C18orf54: variants seen among roughly 807,000 people sequenced by gnomAD.
C18orf54 encodes chromosome 18 open reading frame 54.
In C18orf54, 49 loss-of-function variants were observed where a neutral mutation model predicts 49.3. The ratio of observed to expected loss-of-function variants is 0.99; its 90% CI spans 0.79 to 1.26. C18orf54 has a LOEUF of 1.26. Ranked by LOEUF, C18orf54 falls within the 50% of genes most tolerant of loss-of-function variation. C18orf54 has a pLI of 0.00. For missense variants in C18orf54, 687 were observed against 620.6 expected, an observed-to-expected ratio of 1.11 and a Z score of -1.14; for synonymous variants, 211 against 216.6, an observed-to-expected ratio of 0.97 and a Z score of 0.23.
rs192475779 is a variant in C18orf54 at position 54,357,932 on chromosome 18, G to C, written c.-287G>C. On this transcript the variant is annotated 5_prime_UTR_variant, in exon 1 of 9. Transcript: ENST00000620105. ...CCATGTTGGGGCGGTTTGAAAGCGAGCGCGGGTGTCGAGCTCTGCTGTGAC... is the reference window on the plus strand; with the variant it reads ...CCATGTTGGGGCGGTTTGAAAGCGACCGCGGGTGTCGAGCTCTGCTGTGAC... 1.3e-5 allele frequency: 2 copies of C among 152,334 alleles called. No individual in the cohort carries two copies. Among genetic ancestry groups the C allele is most frequent in the Non-Finnish European group, 2.9e-5 (2 of 68,104 alleles). 9.4% of individuals were successfully genotyped at this position (152,334 alleles called of 1,614,324 possible). A position where few individuals can be genotyped will look rare whatever the true frequency, so the allele number is the denominator to read the frequency against.
At chr18:54,359,514 C>T (rs561191225) in intron 2 of C18orf54, among the ~76,000 whole-genome samples, 1 of 152,096 alleles carries the variant, frequency 6.6e-6, no homozygotes, top group Non-Finnish European at 1.5e-5. Flanking sequence ...AGAAAACTTT[C>T]GATGTTTTAA....
rs762592758 is a variant in C18orf54 at position 54,362,858 on chromosome 18, A to G, written c.1160A>G (p.Asp387Gly). The change falls in exon 5 of 9, where the codon GAC (aspartate) becomes GGC (glycine). Residue 387 changes from aspartate (D) to glycine (G), a missense_variant. Transcript: ENST00000620105. ...TTACCAAAGTCCATGAAAAAGGATG[A>G]CAGTCCTTGCTCATTAGATAAACTT... ...EELPKSMKKD[D>G]SPCSLDKLEA... is the part of the protein sequence containing the mutation. 4.3e-6 allele frequency: 7 copies of G among 1,612,446 alleles called. No individual in the cohort carries two copies. The Admixed American group carries it at 1.2e-4, about 27-fold the overall frequency.
chr18:54,360,677 T>C lies in C18orf54; in HGVS notation c.105T>C (p.Asp35=), dbSNP rs773943063. 4.3e-6 allele frequency: 7 copies of C among 1,614,008 alleles called. No homozygotes were observed. Among genetic ancestry groups the C allele is most frequent in the Admixed American group, 1.7e-5 (1 of 60,012 alleles). Residue 35 remains aspartate (D), a synonymous_variant, in exon 3 of 9, where the codon GAT becomes GAC. Coordinates refer to ENST00000620105, the MANE Select transcript of C18orf54 (RefSeq NM_001288980.2). ...GTGGTAGTAATTCCTCTAATTCTGA[T>C]GGCTCGTTTCACTATAAAGATAAGC... ...TLSGSNSSNS[D]GSFHYKDKLY... is the part of the protein sequence containing the mutation.
intron 2 of C18orf54, among the ~76,000 whole-genome samples, 180 bp downstream of exon 2, chr18:54,359,050 T>A (rs918651631): frequency 2.0e-5 from 3 of 150,786 alleles, no homozygotes; most frequent in African/African-American, 7.5e-5. Flanking sequence ...TTGTATACTC[T>A]TTTGGGGAAA....
chr18:54,369,246 A>G (rs557105290), intron 6 of C18orf54, among the ~76,000 whole-genome samples: 10 of 152,274 alleles, frequency 6.6e-5, no homozygotes, highest in Admixed American at 1.3e-4. Context: ...GTATAAAATC[A>G]TGAGTATTGA....
intron 6 of C18orf54, among the ~76,000 whole-genome samples, chr18:54,368,376 C>T (rs2089425516): frequency 6.6e-6 from 1 of 152,038 alleles, no homozygotes; most frequent in African/African-American, 2.4e-5. Flanking sequence ...GCCAGATCAT[C>T]TGCAGGTCTT....
At chr18:54,364,840 T>G (rs913547809) in intron 5 of C18orf54, among the ~76,000 whole-genome samples, 2 of 152,020 alleles carry the variant, frequency 1.3e-5, no homozygotes, top group Non-Finnish European at 2.9e-5. Context: ...TAAAGAAGCA[T>G]GCTTATTAAG....
chr18:54,359,928 G>C lies in C18orf54; in HGVS notation c.-46-599G>C, dbSNP rs536333584. ...GTACCAAAAACGAAGGTCAGGAAAT[G>C]ATTAACTATTTTAGGAAAAGTGTAT... On this transcript the variant is annotated intron_variant, in intron 2 of 8. Coordinates refer to ENST00000620105, the MANE Select transcript of C18orf54 (RefSeq NM_001288980.2). Among the ~76,000 whole-genome samples, 3 of 152,276 alleles carry C rather than the reference G, an allele frequency of 2.0e-5. No homozygotes were observed. The East Asian group carries it at 5.8e-4, about 29-fold the overall frequency.
rs146181364 is a variant in C18orf54 at position 54,367,356 on chromosome 18, G to A, written c.1326+1535G>A. ...TATTTCCATGTGTTTTCATGATGGT[G>A]CTTATCTTTTTGCTTCCAGATGTAG... On this transcript the variant is annotated intron_variant, in intron 6 of 8. Coordinates refer to ENST00000620105, the MANE Select transcript of C18orf54 (RefSeq NM_001288980.2). Among the ~76,000 whole-genome samples, 199 of 152,150 alleles carry A rather than the reference G, an allele frequency of 1.3e-3. 2 individuals carry two copies. In the East Asian group the frequency reaches 0.035, roughly 27 times the overall value.
Position 54,361,943 on chromosome 18 carries a change from A to C in C18orf54, c.584A>C (p.Gln195Pro). 1 of 1,614,140 alleles carries C rather than the reference A, an allele frequency of 6.2e-7. No homozygotes were observed. Among genetic ancestry groups the C allele is most frequent in the Non-Finnish European group, 8.5e-7 (1 of 1,179,994 alleles). ...ATACGCTCAAATATAAATGGAAAGC[A>C]ATGTGGTAGGCTGAAAAACCCAAAA... ...PVIRSNINGK[Q>P]CGRLKNPKLM... The change falls in exon 4 of 9, where the codon CAA (glutamine) becomes CCA (proline). Residue 195 changes from glutamine (Q) to proline (P), a missense_variant. Physicochemically the swap from Gln to Pro is moderately conservative, Grantham distance 76 (BLOSUM62 -1). Coordinates refer to ENST00000620105, the MANE Select transcript of C18orf54 (RefSeq NM_001288980.2).
In C18orf54 at chr18:54,380,063, C is replaced by T. The variant is rs760048912; in HGVS notation, c.*1817C>T. 19 of 152,006 alleles carry T rather than the reference C, an allele frequency of 1.2e-4. No homozygotes were observed. The highest frequency in any genetic ancestry group is 2.2e-4 in the Non-Finnish European group (15 of 67,918). 9.4% of individuals were successfully genotyped at this position (152,006 alleles called of 1,614,324 possible). ...AAATATGGAGAGGTTTAATCCTTTA[C>T]ATAACAAAGGAATTAATTTTAGCAA... On this transcript the variant is annotated 3_prime_UTR_variant, in exon 9 of 9. Coordinates refer to ENST00000620105, the MANE Select transcript of C18orf54 (RefSeq NM_001288980.2).
At chr18:54,365,640 A>C (rs2089365092) in intron 5 of C18orf54, 79 bp from the exon 6 acceptor site, 1 of 746,226 alleles carries the variant, frequency 1.3e-6, no homozygotes, top group African/African-American at 1.8e-5. Context: ...TTTAAATGAG[A>C]ATTCTTAAAT....
chr18:54,372,597 A>G lies in C18orf54; in HGVS notation c.1458A>G (p.Gln486=). 8.8e-6 allele frequency: 14 copies of G among 1,589,580 alleles called. No homozygotes were observed. The highest frequency in any genetic ancestry group is 1.1e-5 in the Non-Finnish European group (13 of 1,168,150). Residue 486 remains glutamine (Q), a splice_region_variant and synonymous_variant, in exon 7 of 9, where the codon CAA becomes CAG. Transcript: ENST00000620105. ...KTTDPKEEIK[Q]VSEDDFSKLQ... is the part of the protein sequence containing the mutation. ...CAGATCCAAAAGAAGAGATTAAACA[A>G]GTAAGCACAAACATGATTTATGAAT...
At chr18:54,362,642 T>A in intron 4 of C18orf54, 129 bp from the exon 5 acceptor site, 1 of 936,890 alleles carries the variant, frequency 1.1e-6, no homozygotes, top group Non-Finnish European at 1.6e-6. Context: ...TGTCACATTT[T>A]AACATAATTT....
intron 8 of C18orf54, among the ~76,000 whole-genome samples, chr18:54,375,176 T>C (rs750887084): frequency 6.6e-6 from 1 of 151,964 alleles, no homozygotes; most frequent in Non-Finnish European, 1.5e-5. Flanking sequence ...CAGTGAATAA[T>C]GATAGTAATA....
intron 5 of C18orf54, among the ~76,000 whole-genome samples, chr18:54,365,075 T>G (rs1018162079): frequency 6.6e-6 from 1 of 152,024 alleles, no homozygotes; most frequent in African/African-American, 2.4e-5. Context: ...TTATTAAATG[T>G]ACTAGGTACA....
Position 54,380,313 on chromosome 18 carries a change from A to G in C18orf54, c.*2067A>G, listed in dbSNP as rs969259289. ...CAAATGAGAACATAAGATTTTTAAA[A>G]TTGCATTGTGAATGTAAAATTTTTA... On this transcript the variant is annotated 3_prime_UTR_variant, in exon 9 of 9. Coordinates refer to ENST00000620105, the MANE Select transcript of C18orf54 (RefSeq NM_001288980.2). 1.3e-5 allele frequency: 2 copies of G among 152,062 alleles called. No homozygotes were observed. The highest frequency in any genetic ancestry group is 4.8e-5 in the African/African-American group (2 of 41,442). 9.4% of individuals were successfully genotyped at this position (152,062 alleles called of 1,614,324 possible).
At chr18:54,368,033 C>A (rs1260428319) in intron 6 of C18orf54, among the ~76,000 whole-genome samples, 1 of 151,636 alleles carries the variant, frequency 6.6e-6, no homozygotes, top group East Asian at 1.9e-4. Context: ...CTGTTTGGTT[C>A]TTTTTTTATG....
chr18:54,373,209 T>G lies in C18orf54; in HGVS notation c.1458+612T>G, dbSNP rs117603218. ...GAGTTTATATTTTCCCAAATATGATTGTGAATTCTGTCACTTACTAGCAAG... is the reference window on the plus strand; with the variant it reads ...GAGTTTATATTTTCCCAAATATGATGGTGAATTCTGTCACTTACTAGCAAG... On this transcript the variant is annotated intron_variant, in intron 7 of 8. Transcript: ENST00000620105. Among the ~76,000 whole-genome samples the G allele has an allele frequency of 8.2e-3, 1,249 of 151,966 alleles. 45 individuals are homozygous for G. Among genetic ancestry groups the G allele is most frequent in the Admixed American group, 0.062 (946 of 15,262 alleles).
Sources: gnomAD v4.1 joint callset for allele counts (sites outside exome capture counted in the v4.1 genomes callset) on GRCh38, gnomAD v4.1.1 for gene constraint, MANE v1.5 for transcripts, NCBI Gene and HGNC (gene_info 2026-07-23, HGNC 2026-07-21) for gene names.